The following QTMAN variants were observed in gnomAD, a reference collection of about 807,000 sequenced individuals.
QTMAN encodes tRNA-queuosine alpha-mannosyltransferase.
At chr2:144,306,409 G>A in the QTMAN span, among the ~76,000 whole-genome samples, 1 of 152,140 alleles carries the variant, frequency 6.6e-6, no homozygotes, top group Non-Finnish European at 1.5e-5. Context: ...TGGGATGATC[G>A]AAATGCCAGC....
the QTMAN span, among the ~76,000 whole-genome samples, chr2:144,164,463 T>C: frequency 6.6e-6 from 1 of 152,194 alleles, no homozygotes; most frequent in Non-Finnish European, 1.5e-5. Context: ...TTTCAAAATG[T>C]TGCAATATCT....
At chr2:144,169,377 T>C in the QTMAN span, among the ~76,000 whole-genome samples, 1 of 152,184 alleles carries the variant, frequency 6.6e-6, no homozygotes, top group East Asian at 1.9e-4. Flanking sequence ...CATCTATCAA[T>C]AGTTTTGCCA....
At chr2:144,011,375 T>C in the QTMAN span, among the ~76,000 whole-genome samples, 1 of 152,208 alleles carries the variant, frequency 6.6e-6, no homozygotes, top group Non-Finnish European at 1.5e-5. Context: ...TTCTGTGTCA[T>C]GAAACTCATA....
chr2:144,178,054 G>A, the QTMAN span, among the ~76,000 whole-genome samples: 1 of 152,118 alleles, frequency 6.6e-6, no homozygotes, highest in African/African-American at 2.4e-5. Context: ...AGGGAACAGG[G>A]CTATGTTGTT....
the QTMAN span, among the ~76,000 whole-genome samples, chr2:144,051,965 A>T: frequency 3.3e-5 from 5 of 152,218 alleles, no homozygotes; most frequent in Non-Finnish European, 7.3e-5. Context: ...ATCACTTTTA[A>T]TTAACCCCAA....
At chr2:144,311,752 T>C in the QTMAN span, among the ~76,000 whole-genome samples, 2 of 152,212 alleles carry the variant, frequency 1.3e-5, no homozygotes, top group Non-Finnish European at 2.9e-5. Flanking sequence ...CACTGTTCTT[T>C]CCAAATTCCC....
At chr2:144,283,190 T>C in the QTMAN span, among the ~76,000 whole-genome samples, 1 of 152,190 alleles carries the variant, frequency 6.6e-6, no homozygotes, top group Non-Finnish European at 1.5e-5. Context: ...TGGACAGAAA[T>C]TGAGGATAGC....
chr2:144,012,231 T>C, the QTMAN span, among the ~76,000 whole-genome samples: 1 of 152,158 alleles, frequency 6.6e-6, no homozygotes, highest in Non-Finnish European at 1.5e-5. Context: ...TGTTGGGCAA[T>C]GTTTAAAGAC....
the QTMAN span, among the ~76,000 whole-genome samples, chr2:144,089,095 G>C: frequency 2.0e-5 from 3 of 151,810 alleles, no homozygotes; most frequent in African/African-American, 7.2e-5. Flanking sequence ...GAATATACAA[G>C]GAACTCAAGC....
the QTMAN span, among the ~76,000 whole-genome samples, chr2:144,243,995 A>G: frequency 6.6e-6 from 1 of 152,224 alleles, no homozygotes; most frequent in African/African-American, 2.4e-5. Context: ...AAAAAGTTGT[A>G]AAGGGTGATC....
the QTMAN span, among the ~76,000 whole-genome samples, chr2:144,234,105 T>C: frequency 6.6e-6 from 1 of 152,104 alleles, no homozygotes; most frequent in African/African-American, 2.4e-5. Flanking sequence ...AATAATCTGA[T>C]GAAAAGATTA....
At chr2:144,199,545 A>C in the QTMAN span, among the ~76,000 whole-genome samples, 3 of 152,310 alleles carry the variant, frequency 2.0e-5, no homozygotes, top group South Asian at 6.2e-4. Flanking sequence ...AGGCTGAAAA[A>C]GGAAATCTGA....
the QTMAN span, among the ~76,000 whole-genome samples, chr2:144,095,753 A>T: frequency 4.6e-5 from 7 of 152,272 alleles, no homozygotes; most frequent in South Asian, 1.5e-3. Context: ...TTATGAAATC[A>T]ATCTATTGCT....
At chr2:144,066,220 GAAGTGTT>G in the QTMAN span, among the ~76,000 whole-genome samples, 2 of 151,548 alleles carry the variant, frequency 1.3e-5, no homozygotes, top group Non-Finnish European at 2.9e-5. Flanking sequence ...AAAGCTAGGG[GAAGTGTT>G]TGGTACTTCC....
At chr2:144,073,290 G>A in the QTMAN span, among the ~76,000 whole-genome samples, 1 of 150,260 alleles carries the variant, frequency 6.7e-6, no homozygotes, top group Admixed American at 6.7e-5. Flanking sequence ...TCTGTAAACT[G>A]AATATCCTGG....
At chr2:144,144,138 T>A in the QTMAN span, among the ~76,000 whole-genome samples, 1 of 151,948 alleles carries the variant, frequency 6.6e-6, no homozygotes, top group Non-Finnish European at 1.5e-5. Flanking sequence ...TTTTATAGTC[T>A]CATTCCCTAT....
chr2:144,140,743 G>A, the QTMAN span, among the ~76,000 whole-genome samples: 1 of 152,026 alleles, frequency 6.6e-6, no homozygotes. Context: ...AAGTCATAAG[G>A]CCTAAATATT....
chr2:144,272,294 A>T, the QTMAN span, among the ~76,000 whole-genome samples: 4 of 152,214 alleles, frequency 2.6e-5, no homozygotes, highest in Non-Finnish European at 4.4e-5. Context: ...TGTGGGTTTT[A>T]ATTTAAAATA....
chr2:144,259,894 A>G, the QTMAN span, among the ~76,000 whole-genome samples: 1 of 152,210 alleles, frequency 6.6e-6, no homozygotes, highest in Non-Finnish European at 1.5e-5. Flanking sequence ...TAAGCACTGA[A>G]TGCTTTTAAA....
Sources: gnomAD v4.1 joint callset for allele counts (sites outside exome capture counted in the v4.1 genomes callset) on GRCh38, gnomAD v4.1.1 for gene constraint, MANE v1.5 for transcripts, NCBI Gene and HGNC (gene_info 2026-07-23, HGNC 2026-07-21) for gene names.